HMGA2: variants seen among roughly 807,000 people sequenced by gnomAD.
HMGA2 encodes high mobility group protein HMGI-C.
In HMGA2, 8 loss-of-function variants were observed where a neutral mutation model predicts 19.1. The ratio of observed to expected loss-of-function variants is 0.42; its 90% CI spans 0.25 to 0.76. HMGA2 has a LOEUF of 0.76. Among genes scored for constraint, HMGA2 ranks in the 30% least tolerant of loss-of-function variants. The pLI is 0.28. For missense variants in HMGA2, 109 were observed against 136.3 expected (o/e 0.80, Z 1.00); for synonymous variants, 60 against 48.8 (o/e 1.23, Z -0.96).
rs1364501081 is a variant in HMGA2 at position 65,918,671 on chromosome 12, A to G, written c.250-32712A>G. Among the ~76,000 whole-genome samples the G allele has an allele frequency of 3.9e-5, 6 of 152,196 alleles. No homozygotes were observed. The East Asian group carries it at 1.2e-3, about 29-fold the overall frequency. ...AAACAAAACTCAGATTTTGGTAAAG[A>G]TCAAGATGAATGGTGTTGACAAATT... On this transcript the variant is annotated intron_variant, in intron 3 of 4. Coordinates refer to ENST00000403681, the MANE Select transcript of HMGA2 (RefSeq NM_003483.6).
At position 65,889,188 on chromosome 12, in the gene HMGA2, C is replaced by A. The variant is rs113275693; in HGVS notation, c.249+50619C>A. ...ATGTTCAACTAGACATTTAAGATTT[C>A]TTTCATTTGGCTTTTGGTAAGACTC... On this transcript the variant is annotated intron_variant, in intron 3 of 4. Transcript: ENST00000403681. 2.0e-4 allele frequency among the ~76,000 whole-genome samples: 30 copies of A among 152,298 alleles called. 1 individual carries two copies. The highest frequency in any genetic ancestry group is 7.2e-4 in the African/African-American group (30 of 41,576).
chr12:65,892,476 C>T (rs1873952161), intron 3 of HMGA2, among the ~76,000 whole-genome samples: 1 of 152,194 alleles, frequency 6.6e-6, no homozygotes, highest in South Asian at 2.1e-4. Flanking sequence ...TTAACACCAA[C>T]TCTGGACAGG....
intron 3 of HMGA2, among the ~76,000 whole-genome samples, chr12:65,936,444 A>T (rs1171320760): frequency 1.3e-5 from 2 of 152,148 alleles, no homozygotes; most frequent in Non-Finnish European, 2.9e-5. Flanking sequence ...TGCCATACAT[A>T]TTCCTGTGCA....
At chr12:65,851,087 G>C (rs1332635201) in intron 3 of HMGA2, among the ~76,000 whole-genome samples, 3 of 152,204 alleles carry the variant, frequency 2.0e-5, no homozygotes, top group Non-Finnish European at 4.4e-5. Context: ...ATTTGAGTCT[G>C]AACCTTATCA....
chr12:65,880,548 C>A (rs1472705003), intron 3 of HMGA2, among the ~76,000 whole-genome samples: 1 of 152,126 alleles, frequency 6.6e-6, no homozygotes, highest in Middle Eastern at 3.2e-3. Flanking sequence ...AAAATGTATA[C>A]TTAGGGAAGA....
chr12:65,882,878 G>A (rs1211674323), intron 3 of HMGA2, among the ~76,000 whole-genome samples: 1 of 152,210 alleles, frequency 6.6e-6, no homozygotes, highest in Non-Finnish European at 1.5e-5. Flanking sequence ...TTTTCACAAG[G>A]AGGGGTAGGC....
chr12:65,826,818 G>A (rs1565698960), intron 1 of HMGA2: 1 of 151,536 alleles, frequency 6.6e-6, no homozygotes, highest in Non-Finnish European at 1.5e-5. Context: ...TTACAATGGG[G>A]TCTGGAGGTG....
chr12:65,915,032 T>C (rs1404302422), intron 3 of HMGA2: 1 of 1,613,046 alleles, frequency 6.2e-7, no homozygotes, highest in East Asian at 2.2e-5. Context: ...TCATGCCATA[T>C]GCCCCATCCT....
chr12:65,866,705 C>T, intron 3 of HMGA2: 1 of 422,816 alleles, frequency 2.4e-6, no homozygotes, highest in South Asian at 1.7e-5. Context: ...GCCCGCTTCT[C>T]ATTCTTCATT....
chr12:65,905,807 C>T (rs1385524979), intron 3 of HMGA2, among the ~76,000 whole-genome samples: 1 of 152,136 alleles, frequency 6.6e-6, no homozygotes, highest in East Asian at 1.9e-4. Flanking sequence ...ATTGTTGAAT[C>T]TTACTACTCA....
intron 3 of HMGA2, among the ~76,000 whole-genome samples, chr12:65,868,454 C>T (rs776899041): frequency 2.0e-5 from 3 of 151,972 alleles, no homozygotes; most frequent in Non-Finnish European, 2.9e-5. Flanking sequence ...CCACTACGAT[C>T]GTGGAGGAGT....
At chr12:65,883,061 T>G (rs1873502001) in intron 3 of HMGA2, among the ~76,000 whole-genome samples, 1 of 152,226 alleles carries the variant, frequency 6.6e-6, no homozygotes, top group Non-Finnish European at 1.5e-5. Flanking sequence ...GACTCTTTGT[T>G]TATCTTCTTT....
At chr12:65,921,294 C>G (rs1381966141) in intron 3 of HMGA2, among the ~76,000 whole-genome samples, 2 of 152,212 alleles carry the variant, frequency 1.3e-5, no homozygotes, top group Admixed American at 6.5e-5. Flanking sequence ...GAGTCTTGCT[C>G]TGTCACCCAG....
chr12:65,914,696 C>T lies in HMGA2; in HGVS notation c.250-36687C>T, dbSNP rs575845532. 2.7e-4 allele frequency: 78 copies of T among 289,184 alleles called. 2 individuals are homozygous for T. In the South Asian group the frequency reaches 2.8e-3, roughly 10 times the overall value. The allele number at this position is 289,184 out of a possible 1,614,324, so 17.9% of individuals were successfully genotyped here. On this transcript the variant is annotated intron_variant, in intron 3 of 4. Coordinates refer to ENST00000403681, the MANE Select transcript of HMGA2 (RefSeq NM_003483.6). ...GTTGTTATTGTTGTTGTTTTTGAGA[C>T]GGAGTCTTGTTTTTGTTGCTCAGGC...
chr12:65,841,081 C>T (rs779421551), intron 3 of HMGA2, among the ~76,000 whole-genome samples: 2 of 152,116 alleles, frequency 1.3e-5, no homozygotes, highest in Non-Finnish European at 2.9e-5. Flanking sequence ...AGTTTTCTTT[C>T]TCACCACACA....
chr12:65,932,479 CTGGTGCT>C (rs1875749777), intron 3 of HMGA2, among the ~76,000 whole-genome samples: 1 of 152,188 alleles, frequency 6.6e-6, no homozygotes, highest in South Asian at 2.1e-4. Flanking sequence ...TGTACCCACC[CTGGTGCT>C]TGGTGTATAG....
chr12:65,873,719 T>C (rs1480242746), intron 3 of HMGA2: 1 of 152,234 alleles, frequency 6.6e-6, no homozygotes, highest in Non-Finnish European at 1.5e-5. Context: ...TATTTTATTA[T>C]ATTCATCCTC....
intron 3 of HMGA2, among the ~76,000 whole-genome samples, chr12:65,896,583 C>T (rs962731405): frequency 1.6e-4 from 25 of 152,294 alleles, no homozygotes; most frequent in East Asian, 1.3e-3. Context: ...TTTTTATGAA[C>T]GCACATTTGT....
intron 3 of HMGA2, among the ~76,000 whole-genome samples, 160 bp from the exon 4 acceptor site, chr12:65,951,223 C>G (rs1254938919): frequency 6.6e-6 from 1 of 152,210 alleles, no homozygotes; most frequent in African/African-American, 2.4e-5. Flanking sequence ...GCCACCATGC[C>G]TGGCCAAGTA....
Sources: gnomAD v4.1 joint callset for allele counts (sites outside exome capture counted in the v4.1 genomes callset) on GRCh38, gnomAD v4.1.1 for gene constraint, MANE v1.5 for transcripts, NCBI Gene and HGNC (gene_info 2026-07-23, HGNC 2026-07-21) for gene names.